Variants in CDH13 observed in about 807,000 individuals in gnomAD.
CDH13 encodes the protein cadherin 13.
Under a neutral mutation model 63.8 loss-of-function variants are expected in CDH13, and 24 were observed. That is an observed-to-expected ratio of 0.38 (90% CI 0.27 to 0.53). CDH13 has a LOEUF of 0.53. Ranked by LOEUF, CDH13 falls within the 20% of genes least tolerant of loss-of-function variation. The probability of loss-of-function intolerance (pLI) is 0.85; values close to 1 mark genes in which losing one functional copy is unlikely to be tolerated. For synonymous variants in CDH13, 503 were observed against 355.3 expected, an observed-to-expected ratio of 1.42 and a Z score of -4.67; for missense variants, 1,049 against 903.1, an observed-to-expected ratio of 1.16 and a Z score of -2.07.
At chr16:83,702,859 A>C (rs189091921) in intron 10 of CDH13, among the ~76,000 whole-genome samples, 30 of 152,296 alleles carry the variant, frequency 2.0e-4, no homozygotes, top group Non-Finnish European at 4.0e-4. Flanking sequence ...CCACAGCAAC[A>C]TTTGCTTGGG....
intron 1 of CDH13, among the ~76,000 whole-genome samples, chr16:82,634,557 T>C (rs1274213121): frequency 1.3e-5 from 2 of 152,224 alleles, no homozygotes; most frequent in African/African-American, 4.8e-5. Context: ...CCCTGCAGTC[T>C]GGTTTTATAA....
rs558727872 is a variant in CDH13 at position 82,937,991 on chromosome 16, C to A, written c.157+79518C>A. 2.3e-3 allele frequency among the ~76,000 whole-genome samples: 357 copies of A among 152,216 alleles called. 1 individual carries two copies. The highest frequency in any genetic ancestry group is 7.6e-3 in the African/African-American group (316 of 41,516). ...TTTGAGTTTTTACTTAACCCTGTAACAATGGAATTGTGTTAGCTTACATAA... is the reference window on the plus strand; with the variant it reads ...TTTGAGTTTTTACTTAACCCTGTAAAAATGGAATTGTGTTAGCTTACATAA... On this transcript the variant is annotated intron_variant, in intron 2 of 13. Transcript: ENST00000567109.
rs1049949411 is a variant in CDH13 at position 83,671,761 on chromosome 16, C to T, written c.1284+789C>T. Among the ~76,000 whole-genome samples, 4 of 152,320 alleles carry T rather than the reference C, an allele frequency of 2.6e-5. No homozygotes were observed. In the East Asian group the frequency reaches 5.8e-4, roughly 22 times the overall value. ...TGAAACCCTCTGTGACCCTTGCTAACTCACACACTGACCCTCTCTATGGCA... is the reference window on the plus strand; with the variant it reads ...TGAAACCCTCTGTGACCCTTGCTAATTCACACACTGACCCTCTCTATGGCA... On this transcript the variant is annotated intron_variant, in intron 9 of 13. Coordinates refer to ENST00000567109, the MANE Select transcript of CDH13 (RefSeq NM_001257.5).
intron 11 of CDH13, among the ~76,000 whole-genome samples, chr16:83,765,656 G>C (rs1299216172): frequency 2.0e-5 from 3 of 152,094 alleles, no homozygotes; most frequent in African/African-American, 7.2e-5. Flanking sequence ...TAAAAACAAT[G>C]AGATTCTCAG....
At chr16:83,008,258 A>G (rs1015305427) in intron 2 of CDH13, among the ~76,000 whole-genome samples, 4 of 152,238 alleles carry the variant, frequency 2.6e-5, no homozygotes, top group Non-Finnish European at 5.9e-5. Context: ...ATGTCAGGGT[A>G]AACATGTATT....
intron 1 of CDH13, among the ~76,000 whole-genome samples, chr16:82,698,421 A>C (rs1343041276): frequency 1.3e-5 from 2 of 152,246 alleles, no homozygotes; most frequent in Non-Finnish European, 2.9e-5. Context: ...AGACAACTAC[A>C]AAACCTTGGT....
intron 8 of CDH13, among the ~76,000 whole-genome samples, chr16:83,670,394 C>A (rs1167328813): frequency 5.4e-5 from 7 of 130,754 alleles, no homozygotes; most frequent in Admixed American, 1.4e-4. Context: ...GGTTGCTCCC[C>A]TCCATGTGGT....
At chr16:82,961,532 C>G (rs1187872136) in intron 2 of CDH13, among the ~76,000 whole-genome samples, 2 of 137,066 alleles carry the variant, frequency 1.5e-5, no homozygotes, top group African/African-American at 5.6e-5. Flanking sequence ...TCTTTATCAG[C>G]AATTCACAGT....
At position 83,145,983 on chromosome 16, in the gene CDH13, C is replaced by T. The variant is rs567065130; in HGVS notation, c.483+20482C>T. ...CCGAGGCGGGTGGATTACCTGAGGT[C>T]GGGAGTTCGGGACCAACCTGGCCAA... is the stretch of plus-strand genomic sequence containing the variant. On this transcript the variant is annotated intron_variant, in intron 4 of 13. Transcript: ENST00000567109. 4.6e-5 allele frequency among the ~76,000 whole-genome samples: 7 copies of T among 152,072 alleles called. No individual in the cohort carries two copies. In the South Asian group the frequency reaches 1.3e-3, roughly 27 times the overall value.
intron 10 of CDH13, among the ~76,000 whole-genome samples, chr16:83,703,260 T>C (rs536427634): frequency 1.3e-5 from 2 of 152,350 alleles, no homozygotes; most frequent in East Asian, 3.9e-4. Flanking sequence ...ATTTCATTCC[T>C]AGGAATATAT....
chr16:83,428,961 A>G (rs1279519257), intron 6 of CDH13, among the ~76,000 whole-genome samples: 1 of 152,200 alleles, frequency 6.6e-6, no homozygotes, highest in Non-Finnish European at 1.5e-5. Context: ...TTCGGTCATC[A>G]CTTTCCCTGT....
chr16:83,032,614 A>G (rs1156926201), intron 3 of CDH13, among the ~76,000 whole-genome samples: 43 of 152,074 alleles, frequency 2.8e-4, no homozygotes. Context: ...GCTGGTCTGA[A>G]GTCGCCTGAG....
At chr16:83,629,327 A>C (rs549280872) in intron 8 of CDH13, among the ~76,000 whole-genome samples, 1 of 152,354 alleles carries the variant, frequency 6.6e-6, no homozygotes, top group African/African-American at 2.4e-5. Flanking sequence ...CCCAGGACTA[A>C]TTCATATCTA....
intron 7 of CDH13, among the ~76,000 whole-genome samples, chr16:83,494,707 C>A (rs541503239): frequency 2.4e-4 from 36 of 152,332 alleles, no homozygotes; most frequent in African/African-American, 7.0e-4. Flanking sequence ...AAAGCTGCAA[C>A]ACTTAGATTA....
chr16:82,953,065 C>G (rs922161383), intron 2 of CDH13, among the ~76,000 whole-genome samples: 4 of 152,180 alleles, frequency 2.6e-5, no homozygotes, highest in Non-Finnish European at 5.9e-5. Context: ...CTTTGCTGTA[C>G]TGTTCCAAAC....
At chr16:82,921,681 C>T (rs1053138948) in intron 2 of CDH13, among the ~76,000 whole-genome samples, 1 of 151,972 alleles carries the variant, frequency 6.6e-6, no homozygotes, top group African/African-American at 2.4e-5. Context: ...TTTTTATATT[C>T]CTGAGAGATA....
chr16:83,625,185 T>C (rs558284718), intron 8 of CDH13, among the ~76,000 whole-genome samples: 10 of 151,664 alleles, frequency 6.6e-5, no homozygotes, highest in East Asian at 6.0e-4. Flanking sequence ...TGTGTGTGTG[T>C]GCTCATGTGT....
At chr16:83,052,954 C>T (rs1281416618) in intron 3 of CDH13, among the ~76,000 whole-genome samples, 2 of 151,894 alleles carry the variant, frequency 1.3e-5, no homozygotes, top group African/African-American at 2.4e-5. Context: ...TGATTCTTTC[C>T]ACGATAGAAG....
chr16:83,194,472 G>A (rs2038815442), intron 4 of CDH13, among the ~76,000 whole-genome samples: 1 of 152,172 alleles, frequency 6.6e-6, no homozygotes, highest in South Asian at 2.1e-4. Flanking sequence ...AACATAAATG[G>A]AACTGTGTCA....
Sources: allele counts gnomAD v4.1 joint callset (sites outside exome capture counted in the v4.1 genomes callset), GRCh38; gene constraint gnomAD v4.1.1; transcripts MANE v1.5; gene names NCBI Gene and HGNC (gene_info 2026-07-23, HGNC 2026-07-21).